Variants in AUTS2 observed in about 807,000 individuals in gnomAD.
AUTS2 encodes the protein autism susceptibility gene 2 protein.
A neutral mutation model predicts 112.4 loss-of-function variants in AUTS2; 17 were observed. The observed-to-expected ratio is 0.15, with a 90% CI of 0.10 to 0.23. AUTS2 has a LOEUF of 0.23. Among genes scored for constraint, AUTS2 ranks in the 10% least tolerant of loss-of-function variants. The pLI is 1.00. For missense variants in AUTS2, 1,510 were observed against 1,701.6 expected, an observed-to-expected ratio of 0.89 and a Z score of 1.98; for synonymous variants, 751 against 702.7, an observed-to-expected ratio of 1.07 and a Z score of -1.09.
chr7:70,652,057 C>T (rs1806537062), intron 5 of AUTS2, among the ~76,000 whole-genome samples: 1 of 152,066 alleles, frequency 6.6e-6, no homozygotes, highest in African/African-American at 2.4e-5. Context: ...TGCTCTAATC[C>T]CATGTATATT....
intron 6 of AUTS2, among the ~76,000 whole-genome samples, chr7:70,736,577 G>C (rs559956202): frequency 2.1e-4 from 32 of 152,254 alleles, no homozygotes; most frequent in Admixed American, 4.6e-4. Flanking sequence ...TGGCAGATTT[G>C]TGTTTTTTAA....
At chr7:69,756,326 G>T (rs2129278445) in intron 1 of AUTS2, among the ~76,000 whole-genome samples, 1 of 152,320 alleles carries the variant, frequency 6.6e-6, no homozygotes, top group South Asian at 2.1e-4. Flanking sequence ...GAGGAAACTA[G>T]TATTTGTGTG....
intron 5 of AUTS2, among the ~76,000 whole-genome samples, chr7:70,650,910 G>A (rs1455751488): frequency 6.6e-6 from 1 of 152,184 alleles, no homozygotes; most frequent in African/African-American, 2.4e-5. Context: ...GTTCAAATCA[G>A]GGGAAGAAAG....
At chr7:70,142,413 C>G (rs898479893) in intron 4 of AUTS2, among the ~76,000 whole-genome samples, 1 of 152,186 alleles carries the variant, frequency 6.6e-6, no homozygotes, top group Non-Finnish European at 1.5e-5. Flanking sequence ...GGCCTCACTG[C>G]CTTTCTTTGC....
chr7:70,050,135 TC>T (rs1276500299), intron 2 of AUTS2, among the ~76,000 whole-genome samples: 2 of 151,858 alleles, frequency 1.3e-5, no homozygotes, highest in East Asian at 3.9e-4. Flanking sequence ...GGCAGGCAGA[TC>T]ACCTAAGGTC....
chr7:69,631,614 T>C (rs1456385999), intron 1 of AUTS2, among the ~76,000 whole-genome samples: 3 of 152,184 alleles, frequency 2.0e-5, no homozygotes, highest in Non-Finnish European at 4.4e-5. Context: ...GATAACAATT[T>C]TCACCCCATG....
chr7:69,856,835 C>G (rs1255277433), intron 1 of AUTS2, among the ~76,000 whole-genome samples: 4 of 152,178 alleles, frequency 2.6e-5, no homozygotes, highest in Non-Finnish European at 5.9e-5. Flanking sequence ...CCTGGGATCT[C>G]TTACAGGTTC....
At chr7:69,800,913 A>G (rs1232362867) in intron 1 of AUTS2, among the ~76,000 whole-genome samples, 1 of 152,084 alleles carries the variant, frequency 6.6e-6, no homozygotes, top group Non-Finnish European at 1.5e-5. Flanking sequence ...TTACCTGGCT[A>G]ATTCTTATAT....
chr7:70,779,276 C>T (rs1790906665), intron 14 of AUTS2, among the ~76,000 whole-genome samples: 1 of 152,192 alleles, frequency 6.6e-6, no homozygotes. Context: ...GAAATTACAT[C>T]TTCCCTCTCT....
chr7:70,252,334 A>T (rs942769840), intron 4 of AUTS2, among the ~76,000 whole-genome samples: 5 of 152,034 alleles, frequency 3.3e-5, no homozygotes, highest in Non-Finnish European at 7.4e-5. Context: ...TTTAACTTTA[A>T]TTTCCCTGTT....
chr7:69,927,855 G>A (rs1301028918), intron 2 of AUTS2, among the ~76,000 whole-genome samples: 2 of 152,246 alleles, frequency 1.3e-5, no homozygotes, highest in East Asian at 1.9e-4. Flanking sequence ...GCACCTGAAA[G>A]TGCAGAGACC....
chr7:70,386,768 C>G (rs963274189), intron 4 of AUTS2, among the ~76,000 whole-genome samples: 3 of 152,220 alleles, frequency 2.0e-5, no homozygotes, highest in African/African-American at 7.2e-5. Flanking sequence ...AACTCATATT[C>G]CCTTGTCTTC....
At chr7:69,962,146 T>A (rs934414262) in intron 2 of AUTS2, among the ~76,000 whole-genome samples, 1 of 152,122 alleles carries the variant, frequency 6.6e-6, no homozygotes, top group African/African-American at 2.4e-5. Context: ...CAACTCTTCT[T>A]CCTTACAAGA....
At chr7:69,876,350 AT>A (rs1469634553) in intron 1 of AUTS2, among the ~76,000 whole-genome samples, 645 of 26,404 alleles carry the variant, frequency 0.024, 16 homozygotes, top group African/African-American at 0.057. Context: ...AAAAAAAAAA[AT>A]ATATATATAT....
intron 3 of AUTS2, chr7:70,118,866 A>G (rs1805529673): frequency 6.6e-6 from 1 of 152,016 alleles, no homozygotes; most frequent in Non-Finnish European, 1.5e-5. Flanking sequence ...TGCCCTCTAG[A>G]TGTGATTTTC....
At chr7:70,142,469 A>T (rs1806917196) in intron 4 of AUTS2, among the ~76,000 whole-genome samples, 1 of 152,220 alleles carries the variant, frequency 6.6e-6, no homozygotes, top group South Asian at 2.1e-4. Flanking sequence ...CTGCTTAGTG[A>T]ACACTGTTCT....
chr7:69,987,954 G>C (rs1472250642), intron 2 of AUTS2, among the ~76,000 whole-genome samples: 1 of 152,140 alleles, frequency 6.6e-6, no homozygotes, highest in Non-Finnish European at 1.5e-5. Flanking sequence ...ACTAAGAGGT[G>C]TGCGTGTGTA....
At chr7:70,581,706 C>G (rs554521111) in intron 5 of AUTS2, among the ~76,000 whole-genome samples, 9 of 152,328 alleles carry the variant, frequency 5.9e-5, no homozygotes, top group African/African-American at 2.2e-4. Flanking sequence ...AGACCTGGTT[C>G]CTAGTAAGCC....
chr7:70,771,915 A>G (rs1471919656), intron 11 of AUTS2, among the ~76,000 whole-genome samples: 1 of 152,162 alleles, frequency 6.6e-6, no homozygotes, highest in African/African-American at 2.4e-5. Flanking sequence ...CACAATATTT[A>G]TTTTTTTACT....
Sources: allele counts gnomAD v4.1 joint callset (sites outside exome capture counted in the v4.1 genomes callset), GRCh38; gene constraint gnomAD v4.1.1; transcripts MANE v1.5; gene names NCBI Gene and HGNC (gene_info 2026-07-23, HGNC 2026-07-21).